The following FAM83F variants were observed in gnomAD, a reference collection of about 807,000 sequenced individuals.
FAM83F encodes scaffolding CK1 anchoring protein F, also known as protein FAM83F.
FAM83F carries 45 observed loss-of-function variants against 42.9 expected under a neutral mutation model. The observed-to-expected ratio is 1.05, with a 90% CI of 0.83 to 1.35. FAM83F has a LOEUF of 1.35. Among genes scored for constraint, FAM83F ranks in the 40% most tolerant of loss-of-function variants. FAM83F has a pLI of 0.00. For synonymous variants in FAM83F, 306 were observed against 298.3 expected, an observed-to-expected ratio of 1.03 and a Z score of -0.27; for missense variants, 617 against 695.9, an observed-to-expected ratio of 0.89 and a Z score of 1.28.
intron 1 of FAM83F, among the ~76,000 whole-genome samples, chr22:40,005,167 T>A (rs1398162889): frequency 4.6e-5 from 7 of 152,228 alleles, no homozygotes; most frequent in Non-Finnish European, 1.0e-4. Flanking sequence ...CCAACTCCAT[T>A]TGTCTTACCC....
At chr22:40,001,821 A>G (rs575228717) in intron 1 of FAM83F, among the ~76,000 whole-genome samples, 3 of 152,240 alleles carry the variant, frequency 2.0e-5, no homozygotes, top group Middle Eastern at 6.8e-3. Flanking sequence ...AGGGTGGCCA[A>G]ATTTTCTCCC....
chr22:40,021,767 C>T lies in FAM83F; in HGVS notation c.1257C>T (p.Pro419=). ...RDLKPKSREA[P]SRNGMGEAAR... ...TGAAGCCCAAATCCCGAGAGGCACC[C>T]AGCCGAAACGGCATGGGAGAAGCGG... Residue 419 remains proline (P), a synonymous_variant, in exon 4 of 5, where the codon CCC becomes CCT. Coordinates refer to ENST00000333407, the MANE Select transcript of FAM83F (RefSeq NM_138435.4). This position sits in a 1 kb window ranked among gnomAD's most constrained non-coding sequence, Gnocchi z 8.7. The T allele has an allele frequency of 6.2e-7, 1 of 1,612,908 alleles. No individual in the cohort carries two copies. Among genetic ancestry groups the T allele is most frequent in the Non-Finnish European group, 8.5e-7 (1 of 1,179,814 alleles).
chr22:39,995,261 C>T lies in FAM83F; in HGVS notation c.219C>T (p.Pro73=). The T allele has an allele frequency of 2.0e-6, 3 of 1,535,522 alleles. No homozygotes were observed. Among genetic ancestry groups the T allele is most frequent in the Non-Finnish European group, 2.6e-6 (3 of 1,145,966 alleles). ...ERQALRAAWS[P]YEDAVPAANA... is the part of the protein sequence containing the mutation. ...AGGCCCTGCGGGCCGCCTGGAGCCCCTACGAGGACGCCGTCCCCGCCGCCA... is the reference window on the plus strand; with the variant it reads ...AGGCCCTGCGGGCCGCCTGGAGCCCTTACGAGGACGCCGTCCCCGCCGCCA... The change falls in exon 1 of 5, where the codon CCC becomes CCT. Residue 73 remains proline, a synonymous_variant. Coordinates refer to ENST00000333407, the MANE Select transcript of FAM83F (RefSeq NM_138435.4). This position sits in a 1 kb window ranked among gnomAD's most constrained non-coding sequence, Gnocchi z 4.6.
intron 1 of FAM83F, among the ~76,000 whole-genome samples, chr22:40,017,390 G>A (rs902924152): frequency 2.0e-5 from 3 of 152,110 alleles, no homozygotes; most frequent in Non-Finnish European, 2.9e-5. Context: ...CCACCATCAT[G>A]CCTGGCTAAT....
At chr22:40,003,770 C>G (rs570527435) in intron 1 of FAM83F, among the ~76,000 whole-genome samples, 1 of 152,274 alleles carries the variant, frequency 6.6e-6, no homozygotes, top group Non-Finnish European at 1.5e-5. Flanking sequence ...AATTATTAGT[C>G]TCTCTGGCCC....
chr22:40,036,640 ACTC>A lies in FAM83F; in HGVS notation c.*7079_*7081del, dbSNP rs2067625643. ...ATGGGGCTTCCCAAGCCAGGCCTGTACTCCTCATGTAGATTCCACACCCCGCCT... is the reference window on the plus strand; with the variant it reads ...ATGGGGCTTCCCAAGCCAGGCCTGTACTCATGTAGATTCCACACCCCGCCT... On this transcript the variant is annotated 3_prime_UTR_variant, in exon 5 of 5. Transcript: ENST00000333407. 1.3e-5 allele frequency: 2 copies of A among 152,178 alleles called. No homozygotes were observed. The highest frequency in any genetic ancestry group is 1.3e-4 in the Admixed American group (2 of 15,276). 9.4% of individuals were successfully genotyped at this position (152,178 alleles called of 1,614,324 possible).
In FAM83F at chr22:40,021,976, CCCTCTGGCCTGGTGCCTCCCCAGG is replaced by C; in HGVS notation, c.1453+23_1453+46del. On this transcript the variant is annotated intron_variant, in intron 4 of 4. Transcript: ENST00000333407. The surrounding 1 kb of genome is among the most constrained non-coding windows in gnomAD (Gnocchi z 8.7). ...GCTGACATCTCAGGTGAGCCCTCTTCCCTCTGGCCTGGTGCCTCCCCAGGCCTCTGGCCCTCGCCCCGCATCGGC... is the reference window on the plus strand; with the variant it reads ...GCTGACATCTCAGGTGAGCCCTCTTCCCTCTGGCCCTCGCCCCGCATCGGC... The C allele has an allele frequency of 6.5e-7, 1 of 1,528,180 alleles. No individual in the cohort carries two copies. The highest frequency in any genetic ancestry group is 8.8e-7 in the Non-Finnish European group (1 of 1,139,146). 94.7% of individuals were successfully genotyped at this position (1,528,180 alleles called of 1,614,324 possible).
intron 1 of FAM83F, chr22:39,998,940 G>A (rs2067383968): frequency 6.6e-6 from 1 of 152,230 alleles, no homozygotes; most frequent in South Asian, 2.1e-4. Context: ...ACCATGTGTA[G>A]ACTGGGAAAC....
In FAM83F at chr22:40,029,717, A is replaced by G; in HGVS notation, c.*152A>G. 6.1e-6 allele frequency: 7 copies of G among 1,142,772 alleles called. No homozygotes were observed. Among genetic ancestry groups the G allele is most frequent in the Non-Finnish European group, 8.5e-6 (7 of 826,004 alleles). 70.8% of individuals were successfully genotyped at this position (1,142,772 alleles called of 1,614,324 possible). ...TCCGTCCTGGCCTCAGGGACGCTGG[A>G]TCCCAAATGAGAGGGTCCGAAGCAT... is the stretch of plus-strand genomic sequence containing the variant. On this transcript the variant is annotated 3_prime_UTR_variant, in exon 5 of 5. Coordinates refer to ENST00000333407, the MANE Select transcript of FAM83F (RefSeq NM_138435.4).
rs6001731 is a variant in FAM83F at position 40,043,123 on chromosome 22, A to C, written c.*13558A>C. On this transcript the variant is annotated 3_prime_UTR_variant, in exon 5 of 5. Transcript: ENST00000333407. ...TGCTGAAAGGCTCTAAGTGTTGAGCATTGTTACTATGTTACAATGGTTGTT... is the reference window on the plus strand; with the variant it reads ...TGCTGAAAGGCTCTAAGTGTTGAGCCTTGTTACTATGTTACAATGGTTGTT... The C allele has an allele frequency of 6.6e-6, 1 of 152,134 alleles. No individual in the cohort carries two copies. The highest frequency in any genetic ancestry group is 1.5e-5 in the Non-Finnish European group (1 of 68,042). 9.4% of individuals were successfully genotyped at this position (152,134 alleles called of 1,614,324 possible).
chr22:40,020,932 G>T (rs1004059400), intron 3 of FAM83F, among the ~76,000 whole-genome samples: 6 of 152,198 alleles, frequency 3.9e-5, no homozygotes, highest in African/African-American at 7.2e-5. Flanking sequence ...TTGTGCCAGG[G>T]ACTGAGCTAA....
At chr22:40,010,479 AG>A (rs910652970) in intron 1 of FAM83F, among the ~76,000 whole-genome samples, 1 of 152,102 alleles carries the variant, frequency 6.6e-6, no homozygotes, top group African/African-American at 2.4e-5. Context: ...TTTAATTGGT[AG>A]TGACACAGAT....
chr22:39,998,052 C>G (rs553949152), intron 1 of FAM83F: 131 of 152,500 alleles, frequency 8.6e-4, no homozygotes, highest in Non-Finnish European at 1.5e-3. Flanking sequence ...AGCTTCTGCT[C>G]TAGGGACTGC....
rs758559986 is a variant in FAM83F, at chr22:39,995,335, C to T, written c.293C>T (p.Pro98Leu). 3.9e-6 allele frequency: 6 copies of T among 1,540,236 alleles called. No homozygotes were observed. The highest frequency in any genetic ancestry group is 4.4e-6 in the Non-Finnish European group (5 of 1,146,070). ...KAKAKAPAPAPAESGESLAYW... is the reference protein window; with the variant it reads ...KAKAKAPAPALAESGESLAYW... ...AAGGCCAAGGCCCCCGCGCCGGCGC[C>T]GGCTGAGTCCGGCGAGTCCCTGGCC... is the stretch of plus-strand genomic sequence containing the variant. Residue 98 changes from proline to leucine, a missense_variant, in exon 1 of 5, where the codon CCG (proline) becomes CTG (leucine). By Grantham distance (98) the Pro-to-Leu change is moderately conservative (BLOSUM62 -3). Transcript: ENST00000333407. The surrounding 1 kb of genome is among the most constrained non-coding windows in gnomAD (Gnocchi z 4.6).
Position 40,021,287 on chromosome 22 carries a change from C to T in FAM83F, c.780-3C>T, listed in dbSNP as rs751422717. On this transcript the variant is annotated splice_polypyrimidine_tract_variant and splice_region_variant and intron_variant, in intron 3 of 4. Transcript: ENST00000333407. This position sits in a 1 kb window ranked among gnomAD's most constrained non-coding sequence, Gnocchi z 8.7. Reference sequence around the variant, plus strand: ...TCTTGCTTTTCTGTCCCCACGTTCCCAGGTTCACCTGGAGTTCCTCCCATG... The same window carrying T: ...TCTTGCTTTTCTGTCCCCACGTTCCTAGGTTCACCTGGAGTTCCTCCCATG... 3.3e-6 allele frequency: 5 copies of T among 1,533,284 alleles called. No homozygotes were observed. Among genetic ancestry groups the T allele is most frequent in the Non-Finnish European group, 4.4e-6 (5 of 1,135,320 alleles). 95.0% of individuals were successfully genotyped at this position (1,533,284 alleles called of 1,614,324 possible). A position where few individuals can be genotyped will look rare whatever the true frequency, so the allele number is the denominator to read the frequency against.
intron 1 of FAM83F, among the ~76,000 whole-genome samples, chr22:40,006,600 A>G (rs1032230585): frequency 6.6e-6 from 1 of 152,242 alleles, no homozygotes; most frequent in African/African-American, 2.4e-5. Flanking sequence ...GAGTTAAGGC[A>G]CAAGCCGGGG....
intron 1 of FAM83F, among the ~76,000 whole-genome samples, chr22:40,008,953 C>T (rs749034542): frequency 2.0e-5 from 3 of 152,318 alleles, no homozygotes; most frequent in African/African-American, 2.4e-5. Flanking sequence ...GCCACACAGA[C>T]GGCCATTCTG....
chr22:40,026,671 A>C (rs2067554937), intron 4 of FAM83F, among the ~76,000 whole-genome samples: 1 of 152,146 alleles, frequency 6.6e-6, no homozygotes, highest in Non-Finnish European at 1.5e-5. Context: ...TTCCTGCCCC[A>C]GAGTCCCTGG....
rs749892866 is a variant in FAM83F, at chr22:40,039,133, G to A, written c.*9568G>A. ...TGCAGTTTTTTTAATTTGAGATGGA[G>A]TCTCCCTTTGTTGCCCAGGCTTGAG... On this transcript the variant is annotated 3_prime_UTR_variant, in exon 5 of 5. Coordinates refer to ENST00000333407, the MANE Select transcript of FAM83F (RefSeq NM_138435.4). 6.6e-6 allele frequency: 1 copy of A among 152,194 alleles called. No homozygotes were observed. The highest frequency in any genetic ancestry group is 2.4e-5 in the African/African-American group (1 of 41,432). The allele number at this position is 152,194 out of a possible 1,614,324, so 9.4% of individuals were successfully genotyped here. A position where few individuals can be genotyped will look rare whatever the true frequency, so the allele number is the denominator to read the frequency against.
Sources: gnomAD v4.1 joint callset for allele counts (sites outside exome capture counted in the v4.1 genomes callset) on GRCh38, gnomAD v4.1.1 for gene constraint, Gnocchi (gnomAD v3.1) non-coding constraint, MANE v1.5 for transcripts, NCBI Gene and HGNC (gene_info 2026-07-23, HGNC 2026-07-21) for gene names.